The following PREPL variants were observed in gnomAD, a reference collection of about 807,000 sequenced individuals.
PREPL encodes the protein prolyl endopeptidase-like.
PREPL carries 77 observed loss-of-function variants against 70.6 expected under a neutral mutation model. The observed-to-expected ratio is 1.09, with a 90% CI of 0.91 to 1.32. The LOEUF (loss-of-function observed/expected upper bound fraction) is 1.32. Ranked by LOEUF, PREPL falls within the 40% of genes most tolerant of loss-of-function variation. The pLI is 0.00. For synonymous variants in PREPL, 315 were observed against 264.8 expected (o/e 1.19, Z -1.84); for missense variants, 1,002 against 778.2 (o/e 1.29, Z -3.42).
chr2:44,324,875 C>G (rs1211887644), intron 10 of PREPL, among the ~76,000 whole-genome samples: 1 of 151,804 alleles, frequency 6.6e-6, no homozygotes, highest in African/African-American at 2.4e-5. Flanking sequence ...GGTGAAAGAG[C>G]AAAACTCTGA....
chr2:44,352,858 T>C (rs56739503), intron 1 of PREPL, among the ~76,000 whole-genome samples: 5,245 of 152,248 alleles, frequency 0.034, 405 homozygotes, highest in East Asian at 0.33. Context: ...AGAAATCTTA[T>C]GAATCAGTAA....
chr2:44,355,982 A>G (rs1676999541), intron 1 of PREPL, among the ~76,000 whole-genome samples: 1 of 152,182 alleles, frequency 6.6e-6, no homozygotes, highest in Non-Finnish European at 1.5e-5. Flanking sequence ...GATGTGGAAG[A>G]TAAAGAAATG....
At chr2:44,338,283 A>T (rs563899056) in intron 7 of PREPL, 68 bp downstream of exon 7, 6 of 1,359,300 alleles carry the variant, frequency 4.4e-6, no homozygotes, top group Non-Finnish European at 6.0e-6. Flanking sequence ...TCAAAATGTG[A>T]TGTTCTGTTA....
chr2:44,322,683 G>T (rs1673093509), intron 12 of PREPL, 48 bp downstream of exon 12: 1 of 1,591,296 alleles, frequency 6.3e-7, no homozygotes, highest in East Asian at 2.2e-5. Context: ...GTGTGCTGTG[G>T]GTAGTAGTCT....
In PREPL at chr2:44,320,118, A is replaced by C. The variant is rs889933428; in HGVS notation, c.*1238T>G. The C allele has an allele frequency of 2.4e-6, 3 of 1,269,928 alleles. No homozygotes were observed. 78.7% of individuals were successfully genotyped at this position (1,269,928 alleles called of 1,614,324 possible). ...ATTGGAGCAAGTGTTTTGGGTAAAT[A>C]ACTCCTTACAATATATTAAAAATAC... is the stretch of plus-strand genomic sequence containing the variant. On this transcript the variant is annotated 3_prime_UTR_variant, in exon 14 of 14. Coordinates refer to ENST00000409411, the MANE Select transcript of PREPL (RefSeq NM_001171613.2).
intron 10 of PREPL, among the ~76,000 whole-genome samples, chr2:44,326,510 T>A (rs868772713): frequency 3.3e-5 from 5 of 151,418 alleles, no homozygotes; most frequent in African/African-American, 1.2e-4. Flanking sequence ...TTTTTTTTTT[T>A]AATTTCTTGC....
intron 4 of PREPL, among the ~76,000 whole-genome samples, chr2:44,342,948 G>A (rs1054418373): frequency 6.6e-6 from 1 of 152,192 alleles, no homozygotes; most frequent in Non-Finnish European, 1.5e-5. Context: ...TTCTCTGTCT[G>A]CTTTCAAGCC....
At chr2:44,332,350 A>G (rs111696838) in intron 8 of PREPL, 109 bp downstream of exon 8, 2 of 971,844 alleles carry the variant, frequency 2.1e-6, no homozygotes, top group South Asian at 1.6e-5. Context: ...GTGGTCTAAG[A>G]AATCTACATT....
chr2:44,328,865 T>TA, intron 9 of PREPL, 72 bp downstream of exon 9: 3 of 1,373,612 alleles, frequency 2.2e-6, no homozygotes, highest in South Asian at 3.1e-5. Context: ...TGTTCCCTGA[T>TA]ATATATTGTT....
chr2:44,342,741 A>C (rs1349148410), intron 4 of PREPL, among the ~76,000 whole-genome samples, 189 bp from the exon 5 acceptor site: 1 of 152,130 alleles, frequency 6.6e-6, no homozygotes, highest in Non-Finnish European at 1.5e-5. Context: ...AGAATAAACC[A>C]CTACTACACC....
chr2:44,318,184 G>C lies in PREPL; in HGVS notation c.*3172C>G, dbSNP rs1455206999. The C allele has an allele frequency of 2.4e-6, 1 of 419,740 alleles. No homozygotes were observed. The highest frequency in any genetic ancestry group is 2.7e-5 in the Admixed American group (1 of 36,830). The allele number at this position is 419,740 out of a possible 1,614,324, so 26.0% of individuals were successfully genotyped here. Reference sequence around the variant, plus strand: ...CGGCACACTGCAGCCTCTGCTTCCTGGGTTCAAGTGATTCTCCTGCTGCAG... The same window carrying C: ...CGGCACACTGCAGCCTCTGCTTCCTCGGTTCAAGTGATTCTCCTGCTGCAG... On this transcript the variant is annotated 3_prime_UTR_variant, in exon 14 of 14. Transcript: ENST00000409411.
At chr2:44,342,886 C>A (rs1675382399) in intron 4 of PREPL, among the ~76,000 whole-genome samples, 1 of 152,194 alleles carries the variant, frequency 6.6e-6, no homozygotes, top group Non-Finnish European at 1.5e-5. Flanking sequence ...CAATCTACAA[C>A]TTGAAACTGT....
At position 44,321,419 on chromosome 2, in the gene PREPL, G is replaced by A. The variant is rs375511535; in HGVS notation, c.1854C>T (p.Tyr618=). The change falls in exon 14 of 14, where the codon TAC becomes TAT. Residue 618 remains tyrosine (Y), a synonymous_variant. Coordinates refer to ENST00000409411, the MANE Select transcript of PREPL (RefSeq NM_001171613.2). ...KKITAQIKFL[Y]EELGLDSTSV... ...TGGTGCTGTCAAGTCCAAGTTCCTC[G>A]TACAGGAATTTAATTTGGGCTGTAA... The A allele has an allele frequency of 3.0e-5, 48 of 1,612,440 alleles. 1 individual carries two copies. Among genetic ancestry groups the A allele is most frequent in the South Asian group, 1.5e-4 (14 of 91,000 alleles).
At position 44,339,322 on chromosome 2, in the gene PREPL, AG is replaced by A; in HGVS notation, c.526del (p.Leu176SerfsTer3). On this transcript the variant is annotated frameshift_variant, in exon 6 of 14. Transcript: ENST00000409411. LOFTEE classifies it high-confidence loss of function. ...AGTCTTGTTCATAATATTTATGGTG[AG>A]GAAACGACTGTCTTTTGTAAGATAA... ...FLYLTKDSRFLTINIMNKTTS... is the reference protein window; with the variant it reads ...FLYLTKDSRFXTINIMNKTTS... 1.2e-6 allele frequency: 2 copies of A among 1,614,052 alleles called. No individual in the cohort carries two copies. The highest frequency in any genetic ancestry group is 1.7e-6 in the Non-Finnish European group (2 of 1,179,980).
intron 7 of PREPL, among the ~76,000 whole-genome samples, 158 bp downstream of exon 7, chr2:44,338,193 C>A (rs1674832774): frequency 6.6e-6 from 1 of 152,088 alleles, no homozygotes; most frequent in Non-Finnish European, 1.5e-5. Flanking sequence ...CTAAGATAAC[C>A]CTCCTAAACC....
chr2:44,336,020 G>A (rs1180957983), intron 7 of PREPL, among the ~76,000 whole-genome samples: 1 of 152,112 alleles, frequency 6.6e-6, no homozygotes, highest in Non-Finnish European at 1.5e-5. Context: ...TCTCACATCA[G>A]TTAGAATGAC....
Position 44,320,017 on chromosome 2 carries a change from C to G in PREPL, c.*1339G>C. ...AGACAAGCCGAAACCCCGAATTTGT[C>G]ATTTCTATCAGTTTTTATATAAATT... is the stretch of plus-strand genomic sequence containing the variant. On this transcript the variant is annotated 3_prime_UTR_variant, in exon 14 of 14. Coordinates refer to ENST00000409411, the MANE Select transcript of PREPL (RefSeq NM_001171613.2). 1 of 602,306 alleles carries G rather than the reference C, an allele frequency of 1.7e-6. No individual in the cohort carries two copies. Among genetic ancestry groups the G allele is most frequent in the Non-Finnish European group, 2.9e-6 (1 of 343,308 alleles). The allele number at this position is 602,306 out of a possible 1,614,324, so 37.3% of individuals were successfully genotyped here.
chr2:44,327,164 A>C (rs1673593769), intron 9 of PREPL, among the ~76,000 whole-genome samples: 1 of 152,216 alleles, frequency 6.6e-6, no homozygotes. Flanking sequence ...AACTCCTGAT[A>C]TAGACAATCC....
At chr2:44,332,328 T>G in intron 8 of PREPL, 131 bp downstream of exon 8, 1 of 723,780 alleles carries the variant, frequency 1.4e-6, no homozygotes, top group Non-Finnish European at 2.2e-6. Flanking sequence ...CTAAAGTCAC[T>G]TGGGTATTAC....
Sources: gnomAD v4.1 joint callset for allele counts (sites outside exome capture counted in the v4.1 genomes callset) on GRCh38, gnomAD v4.1.1 for gene constraint, MANE v1.5 for transcripts, NCBI Gene and HGNC (gene_info 2026-07-23, HGNC 2026-07-21) for gene names.